SPAG17: variants seen among roughly 807,000 people sequenced by gnomAD.
The protein encoded by SPAG17 is sperm-associated antigen 17.
Under a neutral mutation model 273.6 loss-of-function variants are expected in SPAG17, and 169 were observed. That is an observed-to-expected ratio of 0.62 (90% CI 0.55 to 0.70). SPAG17 has a LOEUF of 0.70. Among genes scored for constraint, SPAG17 ranks in the 30% least tolerant of loss-of-function variants. The pLI, the probability that SPAG17 is intolerant of heterozygous loss-of-function variation, is 0.00. For synonymous variants in SPAG17, 825 were observed against 873.2 expected (o/e 0.94, Z 0.97); for missense variants, 2,557 against 2,627.8 (o/e 0.97, Z 0.59).
At chr1:118,024,059 T>C (rs1354013295) in intron 27 of SPAG17, among the ~76,000 whole-genome samples, 1 of 152,196 alleles carries the variant, frequency 6.6e-6, no homozygotes, top group Non-Finnish European at 1.5e-5. Flanking sequence ...ATTGTCTATC[T>C]GTGCAGTCCT....
intron 18 of SPAG17, among the ~76,000 whole-genome samples, chr1:118,061,251 C>T (rs951047548): frequency 4.6e-5 from 7 of 151,946 alleles, no homozygotes; most frequent in African/African-American, 1.7e-4. Context: ...TTATCTGGAC[C>T]CCCATCTTCA....
rs1647318465 is a variant in SPAG17 at position 118,023,294 on chromosome 1, CA to C, written c.4069+9del. Reference sequence around the variant, plus strand: ...AAATCCATAATAAACTGAGAGGCTTCAATTGTTACCTTTCTTTGTGTTGGTA... The same window carrying C: ...AAATCCATAATAAACTGAGAGGCTTCATTGTTACCTTTCTTTGTGTTGGTA... On this transcript the variant is annotated intron_variant, in intron 28 of 48. Coordinates refer to ENST00000336338, the MANE Select transcript of SPAG17 (RefSeq NM_206996.4). 1 of 1,604,672 alleles carries C rather than the reference CA, an allele frequency of 6.2e-7. No homozygotes were observed. The highest frequency in any genetic ancestry group is 8.5e-7 in the Non-Finnish European group (1 of 1,174,964).
chr1:118,029,858 C>CTG (rs1233674251), intron 25 of SPAG17, among the ~76,000 whole-genome samples: 1 of 152,004 alleles, frequency 6.6e-6, no homozygotes, highest in African/African-American at 2.4e-5. Context: ...TTCTTTGTCA[C>CTG]TAACAGAGGA....
intron 20 of SPAG17, among the ~76,000 whole-genome samples, chr1:118,047,550 C>T (rs947865946): frequency 1.3e-5 from 2 of 152,116 alleles, no homozygotes; most frequent in African/African-American, 2.4e-5. Flanking sequence ...CCTGCCCCAG[C>T]AGACTCAACC....
intron 30 of SPAG17, among the ~76,000 whole-genome samples, chr1:118,011,412 T>A (rs771264226): frequency 1.3e-5 from 2 of 152,088 alleles, no homozygotes; most frequent in Non-Finnish European, 2.9e-5. Context: ...CACGATCACA[T>A]CCTTTGCTGG....
intron 4 of SPAG17, among the ~76,000 whole-genome samples, chr1:118,103,927 C>T (rs904695668): frequency 8.0e-5 from 12 of 150,110 alleles, no homozygotes; most frequent in African/African-American, 2.5e-4. Flanking sequence ...GGAGATGAGC[C>T]CAGCAGGGAA....
intron 40 of SPAG17, among the ~76,000 whole-genome samples, chr1:117,985,506 G>C (rs146289749): frequency 1.9e-4 from 29 of 152,308 alleles, no homozygotes; most frequent in Non-Finnish European, 4.0e-4. Flanking sequence ...GCATGGAAAT[G>C]ATGTACTAAG....
At chr1:118,007,405 T>A (rs1000041510) in intron 31 of SPAG17, among the ~76,000 whole-genome samples, 4 of 152,252 alleles carry the variant, frequency 2.6e-5, no homozygotes, top group Non-Finnish European at 4.4e-5. Context: ...TTTGCTCTAG[T>A]GTCCTTTCTC....
intron 3 of SPAG17, among the ~76,000 whole-genome samples, chr1:118,118,366 G>A (rs927540519): frequency 9.9e-5 from 15 of 152,170 alleles, no homozygotes; most frequent in African/African-American, 3.6e-4. Context: ...TTATAGGGGG[G>A]ATGAGAGACA....
At chr1:118,039,991 C>A (rs1247903786) in intron 22 of SPAG17, among the ~76,000 whole-genome samples, 1 of 151,970 alleles carries the variant, frequency 6.6e-6, no homozygotes, top group Admixed American at 6.6e-5. Context: ...GCAATGTATG[C>A]CTATAATCAA....
At chr1:118,163,651 C>T (rs996817473) in intron 1 of SPAG17, among the ~76,000 whole-genome samples, 1 of 150,986 alleles carries the variant, frequency 6.6e-6, no homozygotes, top group Non-Finnish European at 1.5e-5. Context: ...TCTTTCCTCT[C>T]TATCCCTACT....
intron 25 of SPAG17, 64 bp from the exon 26 acceptor site, chr1:118,028,458 G>C: frequency 6.3e-7 from 1 of 1,587,802 alleles, no homozygotes; most frequent in South Asian, 1.2e-5. Flanking sequence ...TATTTATTTT[G>C]ACTAAGCCAG....
At chr1:118,014,448 A>C (rs1232329897) in intron 29 of SPAG17, among the ~76,000 whole-genome samples, 1 of 152,226 alleles carries the variant, frequency 6.6e-6, no homozygotes, top group Non-Finnish European at 1.5e-5. Flanking sequence ...CAGGGGCCGA[A>C]TTAAAGTGAG....
At chr1:118,053,195 A>G (rs1383885284) in intron 20 of SPAG17, among the ~76,000 whole-genome samples, 1 of 152,096 alleles carries the variant, frequency 6.6e-6, no homozygotes, top group African/African-American at 2.4e-5. Context: ...TTAAAAATTA[A>G]TAAAGTTTGG....
intron 25 of SPAG17, among the ~76,000 whole-genome samples, chr1:118,028,793 A>G (rs573675193): frequency 1.3e-5 from 2 of 152,282 alleles, no homozygotes; most frequent in Admixed American, 6.5e-5. Flanking sequence ...GTTGGAACCT[A>G]ATAACCAATG....
At chr1:117,980,719 A>C (rs1338460492) in intron 43 of SPAG17, among the ~76,000 whole-genome samples, 1 of 152,240 alleles carries the variant, frequency 6.6e-6, no homozygotes, top group Non-Finnish European at 1.5e-5. Flanking sequence ...AACTATATTT[A>C]GTTGAATTAT....
Position 118,087,685 on chromosome 1 carries a change from T to C in SPAG17, c.1360-677A>G, listed in dbSNP as rs1470040438. Among the ~76,000 whole-genome samples, 3 of 152,232 alleles carry C rather than the reference T, an allele frequency of 2.0e-5. No homozygotes were observed. The South Asian group carries it at 6.2e-4, about 32-fold the overall frequency. ...ATTAAGTGCCTTGTTCAATTTTTCA[T>C]GGTAAACAAGTAAAAGAGGTTGAAA... On this transcript the variant is annotated intron_variant, in intron 10 of 48. Coordinates refer to ENST00000336338, the MANE Select transcript of SPAG17 (RefSeq NM_206996.4).
chr1:118,010,889 A>C (rs1659399697), intron 30 of SPAG17, among the ~76,000 whole-genome samples: 1 of 152,200 alleles, frequency 6.6e-6, no homozygotes, highest in African/African-American at 2.4e-5. Flanking sequence ...AAAAAACCAA[A>C]CAACCCCATT....
rs765999346 is a variant in SPAG17, at chr1:118,028,356, A to C, written c.3648T>G (p.Thr1216=). ...EVEPEPVLQE[T]LDVPTFQSLN... is the part of the protein sequence containing the mutation. ...GGCTCTGGAAGGTGGGAACATCCAAAGTCTCTTGTAAAACAGGTTCTGGTT... is the reference window on the plus strand; with the variant it reads ...GGCTCTGGAAGGTGGGAACATCCAACGTCTCTTGTAAAACAGGTTCTGGTT... Residue 1216 remains threonine, a synonymous_variant, in exon 26 of 49, where the codon ACT becomes ACG. Transcript: ENST00000336338. 6.2e-7 allele frequency: 1 copy of C among 1,613,846 alleles called. No homozygotes were observed. Among genetic ancestry groups the C allele is most frequent in the Non-Finnish European group, 8.5e-7 (1 of 1,179,800 alleles).
Sources: gnomAD v4.1 joint callset for allele counts (sites outside exome capture counted in the v4.1 genomes callset) on GRCh38, gnomAD v4.1.1 for gene constraint, MANE v1.5 for transcripts, NCBI Gene and HGNC (gene_info 2026-07-23, HGNC 2026-07-21) for gene names.